The following ZMYM3 variants were observed in gnomAD, a reference collection of about 807,000 sequenced individuals.
The protein encoded by ZMYM3 is zinc finger MYM-type protein 3.
Under a neutral mutation model 94.2 loss-of-function variants are expected in ZMYM3, and 6 were observed. That is an observed-to-expected ratio of 0.06 (90% CI 0.03 to 0.13). The LOEUF (loss-of-function observed/expected upper bound fraction) is 0.13. ZMYM3 is among the 10% of genes least tolerant of loss of function. The pLI is 1.00. For synonymous variants in ZMYM3, 420 were observed against 426.5 expected (o/e 0.98, Z 0.19); for missense variants, 664 against 1,132.6 (o/e 0.59, Z 5.94).
intron 2 of ZMYM3, 106 bp downstream of exon 2, chrX:71,252,483 T>C: frequency 1.2e-6 from 1 of 865,359 alleles, no homozygotes. Context: ...TCCCTACACT[T>C]ATCTCTCCAC....
chrX:71,247,394 C>A lies in ZMYM3; in HGVS notation c.2265G>T (p.Gln755His). ...TCTGGGTATCCAGGTTGGGTTGGTT[C>A]TGCTGGCTATAGAAACGCAGAAGAC... ...QQCLLRFYSQ[Q>H]NQPNLDTQSG... Residue 755 changes from glutamine to histidine, a missense_variant, in exon 13 of 25, where the codon CAG becomes CAT. Around this residue, in one of 9 missense-constraint regions of ZMYM3, gnomAD observed 159 missense variants for 313.0 expected, o/e 0.51. Transcript: ENST00000314425. 8.3e-7 allele frequency: 1 copy of A among 1,204,583 alleles called. No individual in the cohort carries two copies. Among genetic ancestry groups the A allele is most frequent in the South Asian group, 1.8e-5 (1 of 55,674 alleles).
chrX:71,243,776 C>A lies in ZMYM3; in HGVS notation c.3432+53G>T, dbSNP rs924180027. The A allele has an allele frequency of 2.5e-6, 3 of 1,194,439 alleles. No individual in the cohort carries two copies. In the African/African-American group the frequency reaches 5.3e-5, roughly 21 times the overall value. On this transcript the variant is annotated intron_variant, in intron 21 of 24. Transcript: ENST00000314425. ...TAACCCAGAATCATTTCTGTTTAGA[C>A]CCTGCCTGCTGTGTTAAGAGTGACA...
intron 21 of ZMYM3, 166 bp downstream of exon 21, chrX:71,243,663 C>T: frequency 1.8e-6 from 1 of 561,096 alleles, no homozygotes; most frequent in Non-Finnish European, 2.7e-6. Context: ...ACTTTGTTGC[C>T]CAGGCTGGTC....
Position 71,249,665 on chromosome X carries a change from G to A in ZMYM3, c.1266C>T (p.Val422=). ...GCCGGTGTACCACGCTGCCATTGCTGACCTCGTGCAGGACCTGCCACACAC... is the reference window on the plus strand; with the variant it reads ...GCCGGTGTACCACGCTGCCATTGCTAACCTCGTGCAGGACCTGCCACACAC... ...CQKTGEVLHE[V]SNGSVVHRLC... Residue 422 remains valine (V), a synonymous_variant, in exon 7 of 25, where the codon GTC becomes GTT. Coordinates refer to ENST00000314425, the MANE Select transcript of ZMYM3 (RefSeq NM_201599.3). The A allele has an allele frequency of 8.3e-7, 1 of 1,210,746 alleles. No individual in the cohort carries two copies. The highest frequency in any genetic ancestry group is 1.7e-5 in the African/African-American group (1 of 57,747).
Position 71,252,734 on chromosome X carries a change from C to T in ZMYM3, c.522G>A (p.Gly174=). The stretch of plus-strand genomic sequence containing the variant: ...GCCCTTGGGGAAGCTCCTCCTCCTG[C>T]CCAGGGGAGCCCCTTCTTGCAGTAG... The part of the protein sequence containing the change: ...SIATARRGSP[G]QEEELPQGQP... The change falls in exon 2 of 25, where the codon GGG becomes GGA. Residue 174 remains glycine (G), a synonymous_variant. Transcript: ENST00000314425. 1 of 1,209,575 alleles carries T rather than the reference C, an allele frequency of 8.3e-7. No individual in the cohort carries two copies. Among genetic ancestry groups the T allele is most frequent in the Non-Finnish European group, 1.1e-6 (1 of 894,409 alleles).
chrX:71,241,137 G>A, intron 24 of ZMYM3, 29 bp from the exon 25 acceptor site: 3 of 1,196,810 alleles, frequency 2.5e-6, no homozygotes, highest in Non-Finnish European at 2.3e-6. Flanking sequence ...GAGTGGGAGT[G>A]GGGGTGGCAG....
chrX:71,243,298 G>A (rs1186197204), intron 21 of ZMYM3, among the ~76,000 whole-genome samples: 1 of 111,252 alleles, frequency 9.0e-6, no homozygotes, highest in African/African-American at 3.3e-5. Context: ...TGGAGGAGAT[G>A]TTCTTTAGAA....
Position 71,251,110 on chromosome X carries a change from C to T in ZMYM3, c.778+68G>A, listed in dbSNP as rs72630003. ...AGGAGCTAGAAGATCCATGCCCTGC[C>T]GCATGCCACTTTCGGACCTTTTCCA... On this transcript the variant is annotated intron_variant, in intron 4 of 24. Transcript: ENST00000314425. The T allele has an allele frequency of 3.6e-4, 395 of 1,086,148 alleles. 4 individuals are homozygous for T. In the East Asian group the frequency reaches 7.5e-3, roughly 21 times the overall value. The allele number at this position is 1,086,148 out of a possible 1,213,427, so 89.5% of individuals were successfully genotyped here.
chrX:71,248,478 T>C lies in ZMYM3; in HGVS notation c.1784A>G (p.His595Arg), dbSNP rs1227603290. Reference sequence around the variant, plus strand: ...CTCAGGCTTGCCACTGAAGAGGCTGTGACAGTAGTGACAGCTCAGGTGAAT... The same window carrying C: ...CTCAGGCTTGCCACTGAAGAGGCTGCGACAGTAGTGACAGCTCAGGTGAAT... ...GGIHLSCHYCHSLFSGKPEVL... is the reference protein window; with the variant it reads ...GGIHLSCHYCRSLFSGKPEVL... Residue 595 changes from histidine (H) to arginine (R), a missense_variant, in exon 10 of 25, where the codon CAC becomes CGC. Physicochemically the swap from His to Arg is conservative, Grantham distance 29 (BLOSUM62 0). Coordinates refer to ENST00000314425, the MANE Select transcript of ZMYM3 (RefSeq NM_201599.3). 3 of 1,209,004 alleles carry C rather than the reference T, an allele frequency of 2.5e-6. No homozygotes were observed. The highest frequency in any genetic ancestry group is 3.4e-6 in the Non-Finnish European group (3 of 894,630).
In ZMYM3 at chrX:71,248,446, C is replaced by A. The variant is rs1445166284; in HGVS notation, c.1816G>T (p.Asp606Tyr). ...SLFSGKPEVL[D>Y]WQDQVFQFCC... ...GGGGGTGGGGCTCTTACCTGCCAGT[C>A]CAAGACCTCAGGCTTGCCACTGAAG... Residue 606 changes from aspartate (D) to tyrosine (Y), a missense_variant, in exon 10 of 25, where the codon GAC (aspartate) becomes TAC (tyrosine). Transcript: ENST00000314425. 2 of 1,210,399 alleles carry A rather than the reference C, an allele frequency of 1.7e-6. No individual in the cohort carries two copies. The highest frequency in any genetic ancestry group is 2.2e-5 in the Admixed American group (1 of 45,950).
intron 18 of ZMYM3, 142 bp from the exon 19 acceptor site, chrX:71,245,035 G>A: frequency 1.9e-6 from 1 of 518,420 alleles, no homozygotes. Context: ...CATGCTCAGA[G>A]GCACAGAAAC....
In ZMYM3 at chrX:71,252,622, C is replaced by G. The variant is rs2030541785; in HGVS notation, c.634G>C (p.Gly212Arg). 2.6e-6 allele frequency: 3 copies of G among 1,141,937 alleles called. No homozygotes were observed. The highest frequency in any genetic ancestry group is 3.5e-6 in the Non-Finnish European group (3 of 863,378). The allele number at this position is 1,141,937 out of a possible 1,213,427, so 94.1% of individuals were successfully genotyped here. A position where few individuals can be genotyped will look rare whatever the true frequency, so the allele number is the denominator to read the frequency against. Residue 212 changes from glycine to arginine, a missense_variant, in exon 2 of 25, where the codon GGC becomes CGC. Transcript: ENST00000314425. ...GINSSQTKPG[G>R]SSPPAHPSLP... ...GAAGGATGTGCAGGGGGGCTAGAGC[C>G]CCCAGGTTTGGTCTGAGAACTGTTG...
Position 71,250,017 on chromosome X carries a change from T to C in ZMYM3, c.1251+9A>G, listed in dbSNP as rs1231254684. On this transcript the variant is annotated intron_variant, in intron 6 of 24. Coordinates refer to ENST00000314425, the MANE Select transcript of ZMYM3 (RefSeq NM_201599.3). Reference sequence around the variant, plus strand: ...GCTCTGTAAATCAGCCCCCACTGAGTGTCCTCACCTCTCCAGTCTTCTGGC... The same window carrying C: ...GCTCTGTAAATCAGCCCCCACTGAGCGTCCTCACCTCTCCAGTCTTCTGGC... 8.6e-7 allele frequency: 1 copy of C among 1,158,030 alleles called. No homozygotes were observed. The highest frequency in any genetic ancestry group is 1.1e-6 in the Non-Finnish European group (1 of 869,741).
Position 71,249,482 on chromosome X carries a change from G to C in ZMYM3, c.1449C>G (p.Thr483=). ...CCACCTTCTTGTACGCCCCCAAGCA[G>C]GTTGTGTTGCAGAACCGCTTTTGTT... is the stretch of plus-strand genomic sequence containing the variant. The part of the protein sequence containing the change: ...EGQQKRFCNT[T]CLGAYKKKNT... The change falls in exon 7 of 25, where the codon ACC becomes ACG. Residue 483 remains threonine, a synonymous_variant. Coordinates refer to ENST00000314425, the MANE Select transcript of ZMYM3 (RefSeq NM_201599.3). The C allele has an allele frequency of 8.4e-7, 1 of 1,197,148 alleles. No homozygotes were observed. The highest frequency in any genetic ancestry group is 1.8e-5 in the South Asian group (1 of 54,911).
Position 71,245,986 on chromosome X carries a change from C to T in ZMYM3, c.2685G>A (p.Pro895=), listed in dbSNP as rs142895941. 3.7e-5 allele frequency: 45 copies of T among 1,206,057 alleles called. No homozygotes were observed. Among genetic ancestry groups the T allele is most frequent in the Admixed American group, 6.6e-5 (3 of 45,356 alleles). ...KVPVPFSMPI[P]VPVPMFLPTT... Reference sequence around the variant, plus strand: ...AGCCAGGAAGGGCAGGGAAACTCACCGGGATAGGCATCGAGAAAGGCACCG... The same window carrying T: ...AGCCAGGAAGGGCAGGGAAACTCACTGGGATAGGCATCGAGAAAGGCACCG... The change falls in exon 16 of 25, where the codon CCG becomes CCA. Residue 895 remains proline, a splice_region_variant and synonymous_variant. Coordinates refer to ENST00000314425, the MANE Select transcript of ZMYM3 (RefSeq NM_201599.3).
In ZMYM3 at chrX:71,247,534, A is replaced by G. The variant is rs369717277; in HGVS notation, c.2149-24T>C. The G allele has an allele frequency of 2.1e-4, 257 of 1,198,342 alleles. No individual in the cohort carries two copies. The African/African-American group carries it at 3.8e-3, about 18-fold the overall frequency. ...GCCTGAGGATGTCAAAAGGATGGTC[A>G]GACCTGCCTCCCTAAAATGCGTTGG... On this transcript the variant is annotated intron_variant, in intron 12 of 24. Transcript: ENST00000314425.
At position 71,252,749 on chromosome X, in the gene ZMYM3, T is replaced by C; in HGVS notation, c.507A>G (p.Arg169=). ...EEETTSIATA[R]RGSPGQEEEL... ...CCTCCTCCTGCCCAGGGGAGCCCCT[T>C]CTTGCAGTAGCTATGGAGGTGGTCT... The change falls in exon 2 of 25, where the codon AGA becomes AGG. Residue 169 remains arginine (R), a synonymous_variant. Coordinates refer to ENST00000314425, the MANE Select transcript of ZMYM3 (RefSeq NM_201599.3). 8.3e-7 allele frequency: 1 copy of C among 1,211,277 alleles called. No individual in the cohort carries two copies.
chrX:71,244,523 T>C, intron 19 of ZMYM3, 53 bp from the exon 20 acceptor site: 1 of 1,170,816 alleles, frequency 8.5e-7, no homozygotes, highest in African/African-American at 1.8e-5. Flanking sequence ...AGAGGCAAGG[T>C]GAAAGCTAGT....
rs754766736 is a variant in ZMYM3, at chrX:71,249,453, G to T, written c.1470+8C>A. On this transcript the variant is annotated splice_region_variant and intron_variant, in intron 7 of 24. Transcript: ENST00000314425. ...CAGCCCTCTAATGCACTACTCCCTCGGCCCCACCTTCTTGTACGCCCCCAA... is the reference window on the plus strand; with the variant it reads ...CAGCCCTCTAATGCACTACTCCCTCTGCCCCACCTTCTTGTACGCCCCCAA... 8.5e-7 allele frequency: 1 copy of T among 1,180,289 alleles called. No homozygotes were observed. The highest frequency in any genetic ancestry group is 1.8e-5 in the African/African-American group (1 of 56,357).
Sources: gnomAD v4.1 joint callset for allele counts (sites outside exome capture counted in the v4.1 genomes callset) on GRCh38, gnomAD v4.1.1 for gene constraint, gnomAD v4.1.1 regional missense constraint, MANE v1.5 for transcripts, NCBI Gene and HGNC (gene_info 2026-07-23, HGNC 2026-07-21) for gene names.